FBN1: variants seen among roughly 807,000 people sequenced by gnomAD.
FBN1 encodes fibrillin 1.
A neutral mutation model predicts 365.1 loss-of-function variants in FBN1; 29 were observed. The ratio of observed to expected loss-of-function variants is 0.08; its 90% confidence interval spans 0.06 to 0.11. The LOEUF is 0.11. Ranked by LOEUF, FBN1 falls within the 10% of genes least tolerant of loss-of-function variation. FBN1 has a pLI of 1.00. For missense variants in FBN1, 2,476 were observed against 3,703.2 expected (o/e 0.67, Z 8.60); for synonymous variants, 1,210 against 1,270.5 (o/e 0.95, Z 1.01).
rs138621371 is a variant in FBN1, at chr15:48,415,685, G to A, written c.7902C>T (p.Pro2634=). ...NTLGSYKCMC[P]AGFQYEQFSG... ...TGAACTGTTCATACTGGAAGCCGGCGGGACACATGCACTTGTAGCTCCCCA... is the reference window on the plus strand; with the variant it reads ...TGAACTGTTCATACTGGAAGCCGGCAGGACACATGCACTTGTAGCTCCCCA... Residue 2634 remains proline (P), a synonymous_variant, in exon 64 of 66, where the codon CCC becomes CCT. Transcript: ENST00000316623. 161 of 1,614,194 alleles carry A rather than the reference G, an allele frequency of 1.0e-4. No individual in the cohort carries two copies. The highest frequency in any genetic ancestry group is 8.8e-4 in the South Asian group (80 of 91,080).
chr15:48,589,748 G>C (rs1186560281), intron 6 of FBN1, among the ~76,000 whole-genome samples: 1 of 151,210 alleles, frequency 6.6e-6, no homozygotes, highest in African/African-American at 2.4e-5. Flanking sequence ...CGAGTAACTG[G>C]GACTATAGGT....
intron 43 of FBN1, among the ~76,000 whole-genome samples, chr15:48,457,241 G>A (rs916895121): frequency 6.6e-6 from 1 of 152,170 alleles, no homozygotes; most frequent in African/African-American, 2.4e-5. Context: ...GCTTTAGAAA[G>A]GAGGTAAGTC....
intron 36 of FBN1, among the ~76,000 whole-genome samples, chr15:48,470,233 G>A (rs1052367386): frequency 6.6e-6 from 1 of 152,118 alleles, no homozygotes; most frequent in Admixed American, 6.5e-5. Flanking sequence ...CAGGGCAGGG[G>A]TAGGAAGGAG....
At chr15:48,440,483 A>G (rs755263051) in intron 50 of FBN1, among the ~76,000 whole-genome samples, 3 of 152,348 alleles carry the variant, frequency 2.0e-5, no homozygotes, top group Admixed American at 6.5e-5. Flanking sequence ...AGTAGGAGTT[A>G]GAATTTATCT....
At chr15:48,438,313 G>A (rs549858642) in intron 50 of FBN1, among the ~76,000 whole-genome samples, 1 of 152,268 alleles carries the variant, frequency 6.6e-6, no homozygotes, top group African/African-American at 2.4e-5. Context: ...CATGTTTAAT[G>A]AGCACACTAG....
chr15:48,478,945 C>G (rs914748973), intron 32 of FBN1, among the ~76,000 whole-genome samples: 2 of 152,142 alleles, frequency 1.3e-5, no homozygotes, highest in African/African-American at 4.8e-5. Flanking sequence ...TTTCTTAGTT[C>G]TCATGAAGCA....
rs397515812 is a variant in FBN1, at chr15:48,468,427, G to C, written c.4567C>G (p.Arg1523Gly). The change falls in exon 37 of 66, where the codon CGA becomes GGA. Residue 1523 changes from arginine to glycine, a missense_variant. Physicochemically the swap from Arg to Gly is moderately radical, Grantham distance 125. Around this residue, in one of 5 missense-constraint regions of FBN1, gnomAD observed 1,780 missense variants for 2,840.8 expected, o/e 0.63. Coordinates refer to ENST00000316623, the MANE Select transcript of FBN1 (RefSeq NM_000138.5). Reference sequence around the variant, plus strand: ...AAGGTCTTACCAACACAGCCAACTCGAGTTGGGTTCAGTTCAAAATCAGGT... The same window carrying C: ...AAGGTCTTACCAACACAGCCAACTCCAGTTGGGTTCAGTTCAAAATCAGGT... The part of the protein sequence containing the change: ...CPPDFELNPT[R>G]VGCVDTRSGN... 6.8e-6 allele frequency: 11 copies of C among 1,614,142 alleles called. No homozygotes were observed. Among genetic ancestry groups the C allele is most frequent in the Non-Finnish European group, 9.3e-6 (11 of 1,180,026 alleles).
intron 33 of FBN1, 60 bp downstream of exon 33, chr15:48,474,468 T>C: frequency 6.2e-7 from 1 of 1,613,188 alleles, no homozygotes; most frequent in Non-Finnish European, 8.5e-7. Flanking sequence ...ATAATTAATA[T>C]TTTCATATGT....
chr15:48,452,040 C>T (rs545391800), intron 45 of FBN1, among the ~76,000 whole-genome samples: 15 of 152,352 alleles, frequency 9.8e-5, no homozygotes, highest in African/African-American at 3.4e-4. Flanking sequence ...GTGACCCTTT[C>T]CCTGTAAGAT....
At chr15:48,428,647 TC>T (rs1380256845) in intron 56 of FBN1, among the ~76,000 whole-genome samples, 176 bp from the exon 57 acceptor site, 2 of 151,966 alleles carry the variant, frequency 1.3e-5, no homozygotes, top group Non-Finnish European at 2.9e-5. Context: ...CTCACATCTT[TC>T]CTTCTTAACT....
At chr15:48,610,049 G>C (rs1236755401) in intron 4 of FBN1, among the ~76,000 whole-genome samples, 1 of 152,024 alleles carries the variant, frequency 6.6e-6, no homozygotes, top group African/African-American at 2.4e-5. Flanking sequence ...TTTGCCATGG[G>C]GACGGTCAAA....
chr15:48,545,532 A>G (rs1040001739), intron 6 of FBN1, among the ~76,000 whole-genome samples: 8 of 152,182 alleles, frequency 5.3e-5, no homozygotes, highest in African/African-American at 1.4e-4. Context: ...ATTCATAGAC[A>G]GCAGTGCAAT....
At chr15:48,411,495 T>C (rs2042863800) in intron 65 of FBN1, 116 bp from the exon 66 acceptor site, 2 of 897,528 alleles carry the variant, frequency 2.2e-6, no homozygotes, top group South Asian at 1.4e-5. Context: ...TTATGCTGCA[T>C]ACACAATATT....
At chr15:48,462,990 CA>C in intron 42 of FBN1, 91 bp downstream of exon 42, 2 of 1,280,614 alleles carry the variant, frequency 1.6e-6, no homozygotes, top group Non-Finnish European at 2.3e-6. Flanking sequence ...AAACAATGCA[CA>C]CTTTGCTTCC....
intron 40 of FBN1, among the ~76,000 whole-genome samples, chr15:48,464,372 G>A (rs189916093): frequency 4.4e-4 from 67 of 152,166 alleles, no homozygotes; most frequent in Non-Finnish European, 6.5e-4. Flanking sequence ...TTAGCCAGGC[G>A]TGGTGGTGCA....
intron 6 of FBN1, among the ~76,000 whole-genome samples, chr15:48,590,709 G>C (rs964132397): frequency 3.9e-5 from 6 of 152,188 alleles, no homozygotes; most frequent in African/African-American, 1.4e-4. Context: ...GCAAGTACCT[G>C]CATGAAGAGC....
At chr15:48,533,265 T>A (rs759315716) in intron 8 of FBN1, among the ~76,000 whole-genome samples, 11 of 152,224 alleles carry the variant, frequency 7.2e-5, no homozygotes, top group Non-Finnish European at 1.3e-4. Flanking sequence ...TCTCTTCTGA[T>A]CTTGATGAGA....
At chr15:48,620,935 G>T (rs1190451401) in intron 2 of FBN1, among the ~76,000 whole-genome samples, 1 of 152,168 alleles carries the variant, frequency 6.6e-6, no homozygotes, top group East Asian at 1.9e-4. Context: ...AAAGTATAAG[G>T]AAGTGCTAAA....
chr15:48,430,620 C>T lies in FBN1; in HGVS notation c.6871+51G>A, dbSNP rs1471436561. ...AACTCAGAGCCCAGGTTCCTTCTGT[C>T]CACTGTCACTTCTGATGCACTCAAA... On this transcript the variant is annotated intron_variant, in intron 56 of 65. Coordinates refer to ENST00000316623, the MANE Select transcript of FBN1 (RefSeq NM_000138.5). The T allele has an allele frequency of 2.5e-6, 4 of 1,609,936 alleles. No individual in the cohort carries two copies. In the East Asian group the frequency reaches 6.7e-5, roughly 27 times the overall value.
Sources: allele counts gnomAD v4.1 joint callset (sites outside exome capture counted in the v4.1 genomes callset), GRCh38; gene constraint gnomAD v4.1.1; regional missense constraint gnomAD v4.1.1; transcripts MANE v1.5; gene names NCBI Gene and HGNC (gene_info 2026-07-23, HGNC 2026-07-21).